CDKN2B-AS1: variants seen among roughly 807,000 people sequenced by gnomAD.
CDKN2B-AS1 encodes the protein CDKN2B and CDKN2A antisense cis and trans regulatory RNA 1.
At chr9:22,056,212 G>GTGTGTATATATA (rs1285848864) in intron 3 of CDKN2B-AS1, 1 of 124,146 alleles carries the variant, frequency 8.1e-6, no homozygotes, top group African/African-American at 3.1e-5. Context: ...ATGTGTGTGT[G>GTGTGTATATATA]TATATATATA....
intron 4 of CDKN2B-AS1, among the ~76,000 whole-genome samples, chr9:22,106,782 A>G (rs2131362749): frequency 6.6e-6 from 1 of 152,320 alleles, no homozygotes; most frequent in African/African-American, 2.4e-5. Context: ...TAGTAATAAT[A>G]ACCAAAAGTT....
chr9:22,020,194 G>T (rs1169605162), intron 1 of CDKN2B-AS1, among the ~76,000 whole-genome samples: 1 of 152,160 alleles, frequency 6.6e-6, no homozygotes, highest in East Asian at 1.9e-4. Context: ...CCCTGCAAAA[G>T]GACATGCTAT....
At chr9:22,027,129 C>G (rs191947261) in intron 1 of CDKN2B-AS1, among the ~76,000 whole-genome samples, 1 of 151,358 alleles carries the variant, frequency 6.6e-6, no homozygotes, top group East Asian at 1.9e-4. Flanking sequence ...CACACATTAA[C>G]TGCTTCTAGT....
intron 1 of CDKN2B-AS1, among the ~76,000 whole-genome samples, chr9:22,026,749 G>A (rs1191684127): frequency 1.3e-5 from 2 of 152,218 alleles, no homozygotes; most frequent in African/African-American, 2.4e-5. Flanking sequence ...CAGACACCCA[G>A]AAAGCTGGAG....
intron 1 of CDKN2B-AS1, among the ~76,000 whole-genome samples, chr9:22,043,059 C>A (rs1197848069): frequency 4.6e-5 from 7 of 152,026 alleles, no homozygotes; most frequent in African/African-American, 1.7e-4. Context: ...CTCCATCCCC[C>A]AAATTTTAAG....
chr9:22,007,693 A>G (rs555886990), intron 1 of CDKN2B-AS1, among the ~76,000 whole-genome samples: 10 of 152,282 alleles, frequency 6.6e-5, no homozygotes, highest in African/African-American at 2.4e-4. Flanking sequence ...GTGATAAGTT[A>G]TATCTACTAG....
intron 4 of CDKN2B-AS1, among the ~76,000 whole-genome samples, chr9:22,109,069 T>A (rs548949784): frequency 6.6e-6 from 1 of 152,308 alleles, no homozygotes; most frequent in East Asian, 1.9e-4. Flanking sequence ...TTAGGGACAC[T>A]TTCAGCAATT....
chr9:22,085,923 A>G (rs1361437244), intron 4 of CDKN2B-AS1, among the ~76,000 whole-genome samples: 1 of 151,362 alleles, frequency 6.6e-6, no homozygotes, highest in Admixed American at 6.6e-5. Flanking sequence ...CTTTGATTCA[A>G]TTTCACAATC....
At chr9:22,082,573 T>C (rs941354000) in intron 4 of CDKN2B-AS1, among the ~76,000 whole-genome samples, 4 of 152,222 alleles carry the variant, frequency 2.6e-5, no homozygotes, top group Non-Finnish European at 5.9e-5. Context: ...ATTTTGATGT[T>C]CTGACTAATT....
chr9:22,110,772 C>T (rs769698336), intron 4 of CDKN2B-AS1, among the ~76,000 whole-genome samples: 3 of 152,094 alleles, frequency 2.0e-5, no homozygotes, highest in Non-Finnish European at 4.4e-5. Context: ...TATTTCCTCC[C>T]CAATCTCATC....
At chr9:22,009,426 C>T (rs1178232827) in intron 1 of CDKN2B-AS1, 6 of 293,304 alleles carry the variant, frequency 2.0e-5, no homozygotes, top group African/African-American at 1.3e-4. Flanking sequence ...CGGGCCGACG[C>T]GTCACGAGGG....
intron 1 of CDKN2B-AS1, among the ~76,000 whole-genome samples, chr9:22,013,670 C>A (rs1338533101): frequency 6.6e-6 from 1 of 152,092 alleles, no homozygotes; most frequent in Non-Finnish European, 1.5e-5. Flanking sequence ...CCAGGCTGGT[C>A]CCGAACTCCT....
intron 1 of CDKN2B-AS1, among the ~76,000 whole-genome samples, chr9:22,024,375 C>T (rs1321320144): frequency 6.6e-6 from 1 of 152,208 alleles, no homozygotes; most frequent in East Asian, 1.9e-4. Flanking sequence ...GCCTGCCTCC[C>T]TGCAGGCATT....
intron 4 of CDKN2B-AS1, among the ~76,000 whole-genome samples, chr9:22,103,145 G>GTGTA (rs1163677716): frequency 7.4e-6 from 1 of 135,930 alleles, no homozygotes; most frequent in African/African-American, 3.4e-5. Context: ...GTGTGTGTGT[G>GTGTA]TGTGTGTGTG....
At chr9:22,060,078 C>T (rs754702482) in intron 4 of CDKN2B-AS1, among the ~76,000 whole-genome samples, 1 of 152,156 alleles carries the variant, frequency 6.6e-6, no homozygotes, top group Non-Finnish European at 1.5e-5. Flanking sequence ...GGCTTGGAGA[C>T]ATTTTCCCCA....
intron 1 of CDKN2B-AS1, chr9:22,008,740 G>A (rs1315484628): frequency 4.3e-6 from 7 of 1,610,582 alleles, no homozygotes; most frequent in Non-Finnish European, 5.9e-6. Flanking sequence ...CCGATCCGCC[G>A]AGGCCGCGCC....
chr9:22,097,961 C>T lies in CDKN2B-AS1; in HGVS notation n.439-29142C>T, dbSNP rs74925072. ...TTGAGGCTATGAGTCAAAGCTTTTA[C>T]GTCTTGCTGATAGTTCAGAGTTGTG... On this transcript the variant is annotated intron_variant and non_coding_transcript_variant, in intron 4 of 4. Coordinates refer to ENST00000650946, the Ensembl canonical transcript of CDKN2B-AS1. Among the ~76,000 whole-genome samples the T allele has an allele frequency of 4.7e-3, 721 of 152,258 alleles. 41 individuals carry two copies. In the East Asian group the frequency reaches 0.13, roughly 27 times the overall value.
At chr9:22,060,045 G>C (rs1287666744) in intron 4 of CDKN2B-AS1, among the ~76,000 whole-genome samples, 4 of 152,250 alleles carry the variant, frequency 2.6e-5, no homozygotes, top group East Asian at 3.9e-4. Flanking sequence ...GATGGGAGGG[G>C]CTGCCATGAA....
At chr9:22,040,065 C>T (rs1822838024) in intron 1 of CDKN2B-AS1, among the ~76,000 whole-genome samples, 1 of 151,948 alleles carries the variant, frequency 6.6e-6, no homozygotes, top group African/African-American at 2.4e-5. Context: ...TTCCCTGTAG[C>T]CTTGAGGGAG....
Sources: allele counts gnomAD v4.1 joint callset (sites outside exome capture counted in the v4.1 genomes callset), GRCh38; gene constraint gnomAD v4.1.1; transcripts MANE v1.5; gene names NCBI Gene and HGNC (gene_info 2026-07-23, HGNC 2026-07-21).